Variants in CNTN4 observed in about 807,000 individuals in gnomAD.
The protein encoded by CNTN4 is contactin-4.
Under a neutral mutation model 122.5 loss-of-function variants are expected in CNTN4, and 77 were observed. The observed-to-expected ratio is 0.63, with a 90% CI of 0.52 to 0.76. The LOEUF (loss-of-function observed/expected upper bound fraction) is 0.76. Among genes scored for constraint, CNTN4 ranks in the 30% least tolerant of loss-of-function variants. The probability of loss-of-function intolerance (pLI) is 0.00; values close to 1 mark genes in which losing one functional copy is unlikely to be tolerated. For missense variants in CNTN4, 1,256 were observed against 1,259.1 expected, an observed-to-expected ratio of 1.00 and a Z score of 0.04; for synonymous variants, 512 against 447.0, an observed-to-expected ratio of 1.15 and a Z score of -1.83.
chr3:2,815,863 G>C (rs2092713354), intron 6 of CNTN4, among the ~76,000 whole-genome samples: 1 of 117,130 alleles, frequency 8.5e-6, no homozygotes, highest in Non-Finnish European at 1.7e-5. Flanking sequence ...AGTGGCTAAA[G>C]AAACTATGGC....
chr3:2,457,528 A>G (rs1435939312), intron 3 of CNTN4, among the ~76,000 whole-genome samples: 1 of 152,250 alleles, frequency 6.6e-6, no homozygotes, highest in East Asian at 1.9e-4. Flanking sequence ...GGAAAAGTAA[A>G]TTATGAATAT....
chr3:2,758,864 A>G (rs1012063035), intron 6 of CNTN4, among the ~76,000 whole-genome samples: 2 of 152,008 alleles, frequency 1.3e-5, no homozygotes, highest in African/African-American at 4.8e-5. Context: ...CATACAATTC[A>G]TTCATTTAAG....
chr3:2,568,730 T>C (rs1338508664), intron 3 of CNTN4, among the ~76,000 whole-genome samples: 2 of 152,184 alleles, frequency 1.3e-5, no homozygotes, highest in Admixed American at 6.5e-5. Context: ...CACGACCCCA[T>C]TATTTCTGAT....
At chr3:2,870,068 A>T (rs563320152) in intron 8 of CNTN4, among the ~76,000 whole-genome samples, 41 of 152,314 alleles carry the variant, frequency 2.7e-4, no homozygotes, top group African/African-American at 9.1e-4. Context: ...ATTGACTTTG[A>T]TATACTGTGA....
At chr3:2,166,996 G>A (rs2036223431) in intron 2 of CNTN4, among the ~76,000 whole-genome samples, 1 of 152,050 alleles carries the variant, frequency 6.6e-6, no homozygotes, top group Non-Finnish European at 1.5e-5. Flanking sequence ...TTTGATAGTA[G>A]TAATCATTTC....
At chr3:2,253,277 T>C (rs2040445142) in intron 2 of CNTN4, among the ~76,000 whole-genome samples, 1 of 152,182 alleles carries the variant, frequency 6.6e-6, no homozygotes, top group Admixed American at 6.6e-5. Flanking sequence ...TACCTTATTT[T>C]TCTGCCCATT....
At chr3:2,447,663 G>A (rs2048674277) in intron 3 of CNTN4, among the ~76,000 whole-genome samples, 1 of 151,886 alleles carries the variant, frequency 6.6e-6, no homozygotes, top group Non-Finnish European at 1.5e-5. Flanking sequence ...ACAGATATAT[G>A]TACATATTCT....
intron 6 of CNTN4, among the ~76,000 whole-genome samples, chr3:2,751,711 A>G (rs1303665282): frequency 6.6e-6 from 1 of 152,126 alleles, no homozygotes; most frequent in East Asian, 1.9e-4. Context: ...ATCCCGGTCT[A>G]AATCTGCTTG....
chr3:2,733,569 C>T (rs1359917125), intron 4 of CNTN4, among the ~76,000 whole-genome samples: 1 of 138,304 alleles, frequency 7.2e-6, no homozygotes, highest in Admixed American at 7.4e-5. Flanking sequence ...AGTCTCACAG[C>T]ATCGCCTGGG....
intron 3 of CNTN4, among the ~76,000 whole-genome samples, chr3:2,410,654 G>A (rs1423103326): frequency 6.6e-6 from 1 of 152,240 alleles, no homozygotes; most frequent in African/African-American, 2.4e-5. Flanking sequence ...TAGGTTACTA[G>A]GGTTCTGAAG....
Position 2,808,526 on chromosome 3 carries a change from C to T in CNTN4, c.359-10960C>T, listed in dbSNP as rs180982062. The stretch of plus-strand genomic sequence containing the variant: ...AAGTCTATCAGTTATAAAATTATCA[C>T]ACTAGATGAAGAAAAGATAATTGTA... On this transcript the variant is annotated intron_variant, in intron 6 of 24. Coordinates refer to ENST00000418658, the MANE Select transcript of CNTN4 (RefSeq NM_175607.3). Among the ~76,000 whole-genome samples, 4 of 152,104 alleles carry T rather than the reference C, an allele frequency of 2.6e-5. No individual in the cohort carries two copies. The East Asian group carries it at 7.7e-4, about 29-fold the overall frequency.
intron 6 of CNTN4, among the ~76,000 whole-genome samples, chr3:2,805,152 G>A (rs1204917246): frequency 6.6e-6 from 1 of 152,044 alleles, no homozygotes; most frequent in African/African-American, 2.4e-5. Context: ...ACTCCAGCCT[G>A]TGCAACAAGA....
At chr3:2,543,311 A>G (rs1232470856) in intron 3 of CNTN4, among the ~76,000 whole-genome samples, 1 of 152,150 alleles carries the variant, frequency 6.6e-6, no homozygotes, top group Non-Finnish European at 1.5e-5. Context: ...ACTCAGATTC[A>G]GAAGCAATCC....
Position 2,797,891 on chromosome 3 carries a change from C to T in CNTN4, c.359-21595C>T, listed in dbSNP as rs550275801. Among the ~76,000 whole-genome samples, 350 of 147,922 alleles carry T rather than the reference C, an allele frequency of 2.4e-3. 1 individual carries two copies. The highest frequency in any genetic ancestry group is 3.9e-3 in the Non-Finnish European group (265 of 67,362). On this transcript the variant is annotated intron_variant, in intron 6 of 24. Transcript: ENST00000418658. Reference sequence around the variant, plus strand: ...ATGTCTTTTATTTTTGTGCAGATACCTTACTACTGTTTGATGACCACACTG... The same window carrying T: ...ATGTCTTTTATTTTTGTGCAGATACTTTACTACTGTTTGATGACCACACTG...
At chr3:3,013,649 T>A (rs904787167) in intron 14 of CNTN4, among the ~76,000 whole-genome samples, 1 of 152,154 alleles carries the variant, frequency 6.6e-6, no homozygotes, top group Admixed American at 6.5e-5. Flanking sequence ...AAATGCAAGA[T>A]AACCTTTCTG....
chr3:2,883,052 T>A (rs1192109123), intron 8 of CNTN4, 93 bp from the exon 9 acceptor site: 1 of 816,076 alleles, frequency 1.2e-6, no homozygotes, highest in Non-Finnish European at 2.1e-6. Context: ...CATAATGATG[T>A]GTATAAGCAT....
At chr3:2,256,219 C>T (rs1414476832) in intron 2 of CNTN4, among the ~76,000 whole-genome samples, 1 of 152,160 alleles carries the variant, frequency 6.6e-6, no homozygotes, top group Non-Finnish European at 1.5e-5. Context: ...TGGACACATA[C>T]ACCCTCCCAA....
intron 12 of CNTN4, among the ~76,000 whole-genome samples, chr3:2,921,779 T>C (rs1349313348): frequency 1.3e-5 from 2 of 152,194 alleles, no homozygotes; most frequent in Non-Finnish European, 2.9e-5. Flanking sequence ...TAAGGAGCTA[T>C]CATTCTACTG....
At chr3:2,301,952 A>G (rs1172318600) in intron 2 of CNTN4, among the ~76,000 whole-genome samples, 1 of 152,254 alleles carries the variant, frequency 6.6e-6, no homozygotes, top group Non-Finnish European at 1.5e-5. Flanking sequence ...AATTGATGAG[A>G]GGGATACAAT....
Sources: gnomAD v4.1 joint callset for allele counts (sites outside exome capture counted in the v4.1 genomes callset) on GRCh38, gnomAD v4.1.1 for gene constraint, MANE v1.5 for transcripts, NCBI Gene and HGNC (gene_info 2026-07-23, HGNC 2026-07-21) for gene names.